TRIM62: variants seen among roughly 807,000 people sequenced by gnomAD.
The protein encoded by TRIM62 is tripartite motif containing 62.
A neutral mutation model predicts 44.2 loss-of-function variants in TRIM62; 39 were observed. The observed-to-expected ratio is 0.88, with a 90% CI of 0.68 to 1.15. The LOEUF is 1.15. Ranked by LOEUF, TRIM62 falls within the 50% of genes most tolerant of loss-of-function variation. The pLI is 0.00. For missense variants in TRIM62, 544 were observed against 665.5 expected, an observed-to-expected ratio of 0.82 and a Z score of 2.01; for synonymous variants, 278 against 292.3, an observed-to-expected ratio of 0.95 and a Z score of 0.50.
chr1:33,173,372 G>T (rs1645389191), intron 1 of TRIM62, among the ~76,000 whole-genome samples: 1 of 152,176 alleles, frequency 6.6e-6, no homozygotes, highest in African/African-American at 2.4e-5. Context: ...GTTAAGTAAG[G>T]ATCAAGCTCA....
chr1:33,148,109 G>A (rs770895779), intron 4 of TRIM62, among the ~76,000 whole-genome samples: 76 of 152,284 alleles, frequency 5.0e-4, no homozygotes, highest in Non-Finnish European at 9.6e-4. Flanking sequence ...CCCCTAGGGG[G>A]AATGGGGAAA....
At chr1:33,156,764 C>G (rs1645184169) in intron 4 of TRIM62, among the ~76,000 whole-genome samples, 1 of 152,218 alleles carries the variant, frequency 6.6e-6, no homozygotes, top group Non-Finnish European at 1.5e-5. Context: ...GCTGAGATAA[C>G]TAATTGGCAT....
At chr1:33,172,157 C>G (rs1645379628) in intron 1 of TRIM62, among the ~76,000 whole-genome samples, 2 of 152,184 alleles carry the variant, frequency 1.3e-5, no homozygotes, top group Admixed American at 6.5e-5. Context: ...TAATTCATGA[C>G]CTGACATGAC....
rs1645341784 is a variant in TRIM62 at position 33,167,752 on chromosome 1, T to TAA, written c.409-2187_409-2186insTT. Among the ~76,000 whole-genome samples the TAA allele has an allele frequency of 6.6e-6, 1 of 152,210 alleles. No homozygotes were observed. Among genetic ancestry groups the TAA allele is most frequent in the African/African-American group, 2.4e-5 (1 of 41,448 alleles). ...CAGCTTGTCAGACCAGGGAGGGCCT[T>TAA]GGTAAATGTCTAGTTCAATTAATTT... On this transcript the variant is annotated intron_variant, in intron 1 of 4. Transcript: ENST00000291416. This position sits in a 1 kb window ranked among gnomAD's most constrained non-coding sequence, Gnocchi z 4.2.
At position 33,150,823 on chromosome 1, in the gene TRIM62, C is replaced by G. The variant is rs1645086104; in HGVS notation, c.878-3096G>C. ...ACCTAATCAGACATAGGTGGGCCAC[C>G]CCTATGACAGTGGGATGTGGATCAC... On this transcript the variant is annotated intron_variant, in intron 4 of 4. Transcript: ENST00000291416. 2.6e-5 allele frequency among the ~76,000 whole-genome samples: 4 copies of G among 152,142 alleles called. No homozygotes were observed. The South Asian group carries it at 8.3e-4, about 32-fold the overall frequency.
chr1:33,166,987 C>A (rs551446690), intron 1 of TRIM62, among the ~76,000 whole-genome samples: 2 of 152,180 alleles, frequency 1.3e-5, no homozygotes, highest in East Asian at 3.9e-4. Context: ...CCTCTGTCTC[C>A]AACACCCTCC....
intron 1 of TRIM62, among the ~76,000 whole-genome samples, chr1:33,175,613 T>C (rs1053024114): frequency 1.2e-4 from 18 of 152,074 alleles, no homozygotes; most frequent in African/African-American, 4.3e-4. Context: ...GGAAGGAGGG[T>C]GAATTCTGAG....
intron 4 of TRIM62, among the ~76,000 whole-genome samples, chr1:33,149,054 C>G (rs753130232): frequency 2.6e-5 from 4 of 152,212 alleles, no homozygotes; most frequent in Non-Finnish European, 2.9e-5. Flanking sequence ...GCAACCACCC[C>G]CAGAGGCTCA....
rs1645229675 is a variant in TRIM62, at chr1:33,159,419, G to A, written c.761+269C>T. ...ATCCTTTCTCTCCTGCACCCCTAGAGCCAAGACAGCAGGGTCAAAGTGGCT... is the reference window on the plus strand; with the variant it reads ...ATCCTTTCTCTCCTGCACCCCTAGAACCAAGACAGCAGGGTCAAAGTGGCT... On this transcript the variant is annotated intron_variant, in intron 3 of 4. Transcript: ENST00000291416. The surrounding 1 kb of genome is among the most constrained non-coding windows in gnomAD (Gnocchi z 4.2). 6.6e-6 allele frequency among the ~76,000 whole-genome samples: 1 copy of A among 152,090 alleles called. No homozygotes were observed. The highest frequency in any genetic ancestry group is 1.5e-5 in the Non-Finnish European group (1 of 68,022).
intron 1 of TRIM62, chr1:33,166,271 TAATAGA>T (rs1354884603): frequency 6.6e-6 from 1 of 152,312 alleles, no homozygotes; most frequent in Non-Finnish European, 1.5e-5. Context: ...AATGAAATAA[TAATAGA>T]AATAAAGTGC....
chr1:33,180,092 GA>G (rs1645449305), intron 1 of TRIM62, among the ~76,000 whole-genome samples: 1 of 152,092 alleles, frequency 6.6e-6, no homozygotes, highest in Non-Finnish European at 1.5e-5. Flanking sequence ...GTTTGTCAGT[GA>G]AGACAGGAAG....
chr1:33,145,490 G>C lies in TRIM62; in HGVS notation c.*1687C>G. 1 of 161,374 alleles carries C rather than the reference G, an allele frequency of 6.2e-6. No individual in the cohort carries two copies. The highest frequency in any genetic ancestry group is 1.8e-4 in the East Asian group (1 of 5,452). The allele number at this position is 161,374 out of a possible 1,614,324, so 10.0% of individuals were successfully genotyped here. A position where few individuals can be genotyped will look rare whatever the true frequency, so the allele number is the denominator to read the frequency against. On this transcript the variant is annotated 3_prime_UTR_variant, in exon 5 of 5. Transcript: ENST00000291416. ...ATAAAAATACTGCTGGGGTGGCCCAGATTCTGGTAGTTGAAGGGTTGGGGT... is the reference window on the plus strand; with the variant it reads ...ATAAAAATACTGCTGGGGTGGCCCACATTCTGGTAGTTGAAGGGTTGGGGT...
At chr1:33,153,044 T>A (rs922567149) in intron 4 of TRIM62, among the ~76,000 whole-genome samples, 2 of 7,340 alleles carry the variant, frequency 2.7e-4, no homozygotes, top group East Asian at 4.3e-3. Flanking sequence ...GATAGAGGGG[T>A]GGGAGGTGGG....
intron 1 of TRIM62, among the ~76,000 whole-genome samples, chr1:33,180,302 CTT>C (rs1473018224): frequency 6.6e-6 from 1 of 152,104 alleles, no homozygotes; most frequent in Non-Finnish European, 1.5e-5. Flanking sequence ...AAATCTTTAC[CTT>C]TAAGTCCTGG....
In TRIM62 at chr1:33,147,775, G is replaced by A. The variant is rs1405771859; in HGVS notation, c.878-48C>T. 3 of 1,574,432 alleles carry A rather than the reference G, an allele frequency of 1.9e-6. No individual in the cohort carries two copies. In the Admixed American group the frequency reaches 5.2e-5, roughly 27 times the overall value. On this transcript the variant is annotated intron_variant, in intron 4 of 4. Transcript: ENST00000291416. The surrounding 1 kb of genome is among the most constrained non-coding windows in gnomAD (Gnocchi z 8.1). ...AGAAGATGAGTGGGGAGAAGGCTGT[G>A]GACCCACCATGCAGTGCCTTCCTGA...
Position 33,165,403 on chromosome 1 carries a change from T to A in TRIM62, c.504+68A>T. 2 of 1,368,006 alleles carry A rather than the reference T, an allele frequency of 1.5e-6. No homozygotes were observed. The highest frequency in any genetic ancestry group is 2.0e-6 in the Non-Finnish European group (2 of 1,003,762). 84.7% of individuals were successfully genotyped at this position (1,368,006 alleles called of 1,614,324 possible). A position where few individuals can be genotyped will look rare whatever the true frequency, so the allele number is the denominator to read the frequency against. ...CGAGGCCCCGCCCCTCTTCCCCAGC[T>A]GGCCCCGCCCCTCGAAGCCCTGCCC... On this transcript the variant is annotated intron_variant, in intron 2 of 4. Transcript: ENST00000291416. This position sits in a 1 kb window ranked among gnomAD's most constrained non-coding sequence, Gnocchi z 4.0.
chr1:33,181,318 A>T lies in TRIM62; in HGVS notation c.115T>A (p.Trp39Arg), dbSNP rs1040848012. 8.9e-6 allele frequency: 14 copies of T among 1,569,198 alleles called. No homozygotes were observed. The highest frequency in any genetic ancestry group is 1.2e-5 in the Non-Finnish European group (14 of 1,161,832). The stretch of plus-strand genomic sequence containing the variant: ...GCGCCCTGCGCCTCCTGCCGCACCC[A>T]GTGCTCCGTGATGCAGCGGCGGCAG... ...YFCRRCITEHWVRQEAQGARD... is the reference protein window; with the variant it reads ...YFCRRCITEHRVRQEAQGARD... The change falls in exon 1 of 5, where the codon TGG (tryptophan) becomes AGG (arginine). Residue 39 changes from tryptophan (W) to arginine (R), a missense_variant. Physicochemically the swap from Trp to Arg is moderately radical, Grantham distance 101. Coordinates refer to ENST00000291416, the MANE Select transcript of TRIM62 (RefSeq NM_018207.3). The surrounding 1 kb of genome is among the most constrained non-coding windows in gnomAD (Gnocchi z 6.5).
At position 33,147,521 on chromosome 1, in the gene TRIM62, G is replaced by C; in HGVS notation, c.1084C>G (p.Gln362Glu). Residue 362 changes from glutamine (Q) to glutamate (E), a missense_variant, in exon 5 of 5, where the codon CAG becomes GAG. Transcript: ENST00000291416. This position sits in a 1 kb window ranked among gnomAD's most constrained non-coding sequence, Gnocchi z 8.1. ...YWEVVVAEKT[Q>E]WVIGLAHEAA... ...TCGTGTGCCAGCCCGATCACCCACTGGGTCTTCTCCGCCACCACCACCTCC... is the reference window on the plus strand; with the variant it reads ...TCGTGTGCCAGCCCGATCACCCACTCGGTCTTCTCCGCCACCACCACCTCC... 1 of 1,613,788 alleles carries C rather than the reference G, an allele frequency of 6.2e-7. No individual in the cohort carries two copies. The highest frequency in any genetic ancestry group is 8.5e-7 in the Non-Finnish European group (1 of 1,179,990).
intron 1 of TRIM62, among the ~76,000 whole-genome samples, chr1:33,173,735 A>G (rs573935992): frequency 4.0e-5 from 6 of 149,554 alleles, no homozygotes; most frequent in Admixed American, 2.0e-4. Context: ...GGCTCACTCT[A>G]TCACCTAGGC....
Sources: gnomAD v4.1 joint callset for allele counts (sites outside exome capture counted in the v4.1 genomes callset) on GRCh38, gnomAD v4.1.1 for gene constraint, Gnocchi (gnomAD v3.1) non-coding constraint, MANE v1.5 for transcripts, NCBI Gene and HGNC (gene_info 2026-07-23, HGNC 2026-07-21) for gene names.